ARMC2: variants seen among roughly 807,000 people sequenced by gnomAD.
ARMC2 encodes armadillo repeat containing 2.
A neutral mutation model predicts 90.3 loss-of-function variants in ARMC2; 67 were observed. The ratio of observed to expected loss-of-function variants is 0.74; its 90% CI spans 0.61 to 0.91. The LOEUF (loss-of-function observed/expected upper bound fraction) is 0.91. Ranked by LOEUF, ARMC2 falls within the 40% of genes least tolerant of loss-of-function variation. The pLI is 0.00. For synonymous variants in ARMC2, 393 were observed against 393.0 expected, an observed-to-expected ratio of 1.00 and a Z score of 0.00; for missense variants, 920 against 1,030.9, an observed-to-expected ratio of 0.89 and a Z score of 1.47.
chr6:108,992,888 C>T, the ARMC2 span: 1 of 1,603,600 alleles, frequency 6.2e-7, no homozygotes, highest in Non-Finnish European at 8.5e-7. Context: ...GCTGGTGTAA[C>T]TTCTTCATCA....
chr6:108,954,109 A>T (rs1190200344), intron 13 of ARMC2, among the ~76,000 whole-genome samples: 1 of 152,126 alleles, frequency 6.6e-6, no homozygotes, highest in Non-Finnish European at 1.5e-5. Context: ...CAATCCTATC[A>T]TATTAGGACC....
intron 8 of ARMC2, chr6:108,907,699 C>T: frequency 6.2e-7 from 1 of 1,608,688 alleles, no homozygotes. Flanking sequence ...CCATGGTAAC[C>T]CCCGAGATGC....
chr6:108,907,476 TTACCAGTCATCTTTTATTTGGAGG>T, intron 8 of ARMC2: 1 of 462,632 alleles, frequency 2.2e-6, no homozygotes, highest in South Asian at 5.3e-5. Flanking sequence ...TTTTTTTTTT[TTACCAGTCATCTTTTATTTGGAGG>T]TTAATTGCCA....
chr6:109,041,006 A>G, the ARMC2 span, among the ~76,000 whole-genome samples: 1 of 151,888 alleles, frequency 6.6e-6, no homozygotes, highest in Non-Finnish European at 1.5e-5. Context: ...AGTGTGCATC[A>G]TTTCAAATTG....
chr6:108,914,859 C>A (rs1368398733), intron 10 of ARMC2, among the ~76,000 whole-genome samples: 1 of 152,038 alleles, frequency 6.6e-6, no homozygotes, highest in East Asian at 1.9e-4. Context: ...CCAGCCGGTT[C>A]ATGTGCAAAT....
chr6:108,960,155 C>T (rs1437256767), intron 13 of ARMC2, among the ~76,000 whole-genome samples: 1 of 152,196 alleles, frequency 6.6e-6, no homozygotes, highest in East Asian at 1.9e-4. Context: ...TGGCCCTCTT[C>T]CTGTGCCCTT....
intron 10 of ARMC2, among the ~76,000 whole-genome samples, chr6:108,918,013 C>T (rs1474979042): frequency 6.6e-6 from 1 of 152,100 alleles, no homozygotes; most frequent in East Asian, 1.9e-4. Flanking sequence ...TTTCAGATGC[C>T]AGCAGGCCTC....
the ARMC2 span, among the ~76,000 whole-genome samples, chr6:108,983,721 A>C: frequency 6.6e-6 from 1 of 152,190 alleles, no homozygotes; most frequent in Admixed American, 6.5e-5. Flanking sequence ...TTGGCTATTC[A>C]GGGTCCATTG....
intron 17 of ARMC2, among the ~76,000 whole-genome samples, chr6:108,970,494 C>CTTTTT (rs1156823883): frequency 4.0e-3 from 470 of 117,298 alleles, no homozygotes; most frequent in Non-Finnish European, 5.4e-3. Flanking sequence ...CTTCTCTTTT[C>CTTTTT]TTTTTTTTTT....
At chr6:108,892,614 C>T (rs932098348) in intron 5 of ARMC2, among the ~76,000 whole-genome samples, 3 of 151,822 alleles carry the variant, frequency 2.0e-5, no homozygotes, top group Non-Finnish European at 2.9e-5. Context: ...ACAAAATTAG[C>T]CAGGCATGGT....
the ARMC2 span, among the ~76,000 whole-genome samples, chr6:109,050,354 GAA>G: frequency 7.7e-6 from 1 of 129,066 alleles, no homozygotes; most frequent in African/African-American, 3.0e-5. Flanking sequence ...CTCCAGCCTA[GAA>G]AAGACACACA....
chr6:108,895,887 A>T (rs1016316015), intron 6 of ARMC2, among the ~76,000 whole-genome samples: 1 of 152,144 alleles, frequency 6.6e-6, no homozygotes, highest in African/African-American at 2.4e-5. Context: ...GTAATGTTTC[A>T]TTTCTTTAAA....
At chr6:108,894,017 A>C (rs565338218) in intron 5 of ARMC2, among the ~76,000 whole-genome samples, 17 of 152,236 alleles carry the variant, frequency 1.1e-4, no homozygotes, top group African/African-American at 2.9e-4. Flanking sequence ...AACAAAAAAA[A>C]CCCACATATA....
At chr6:108,874,941 G>C (rs1341076185) in intron 4 of ARMC2, among the ~76,000 whole-genome samples, 1 of 152,088 alleles carries the variant, frequency 6.6e-6, no homozygotes, top group Non-Finnish European at 1.5e-5. Flanking sequence ...AGGTGGTTTT[G>C]TTATTATTAG....
chr6:109,052,684 T>C, the ARMC2 span, among the ~76,000 whole-genome samples: 1 of 152,226 alleles, frequency 6.6e-6, no homozygotes, highest in Non-Finnish European at 1.5e-5. Context: ...TTACTGGCAG[T>C]AGATTATTCT....
At chr6:108,933,885 G>A (rs537291037) in intron 11 of ARMC2, among the ~76,000 whole-genome samples, 54 of 152,092 alleles carry the variant, frequency 3.6e-4, no homozygotes, top group African/African-American at 1.2e-3. Context: ...TTTTTGAGAC[G>A]GAGTCTTGCT....
the ARMC2 span, among the ~76,000 whole-genome samples, chr6:109,051,237 G>C: frequency 2.6e-5 from 4 of 152,044 alleles, no homozygotes; most frequent in Admixed American, 2.6e-4. Flanking sequence ...TTTAAAATTG[G>C]TTTTATAAAA....
At position 108,881,296 on chromosome 6, in the gene ARMC2, C is replaced by CCCTTCCTT. The variant is rs148587003; in HGVS notation, c.671+4960_671+4967dup. 3.8e-4 allele frequency among the ~76,000 whole-genome samples: 30 copies of CCCTTCCTT among 78,236 alleles called. 1 individual carries two copies. Among genetic ancestry groups the CCCTTCCTT allele is most frequent in the East Asian group, 1.1e-3 (3 of 2,616 alleles). The allele number at this position is 78,236 out of a possible 152,430, so 51.3% of individuals were successfully genotyped here. A position where few individuals can be genotyped will look rare whatever the true frequency, so the allele number is the denominator to read the frequency against. ...TCTCTCCCTCCCCTCCCCTCCCCTC[C>CCCTTCCTT]CCTTCCTTCCTTCCTTCCTTCACTC... On this transcript the variant is annotated intron_variant, in intron 5 of 17. Coordinates refer to ENST00000392644, the MANE Select transcript of ARMC2 (RefSeq NM_032131.6).
chr6:108,910,958 G>C lies in ARMC2; in HGVS notation c.1083G>C (p.Arg361Ser). 6.3e-7 allele frequency: 1 copy of C among 1,583,266 alleles called. No individual in the cohort carries two copies. The highest frequency in any genetic ancestry group is 8.6e-7 in the Non-Finnish European group (1 of 1,164,682). The change falls in exon 9 of 18, where the codon AGG (arginine) becomes AGC (serine). Residue 361 changes from arginine (R) to serine (S), a missense_variant. By Grantham distance (110) the Arg-to-Ser change is moderately radical. Transcript: ENST00000392644. ...GCAAACTTATATTTAAAATTAGCAG[G>C]AATGAGAAGAATGATTCTTTGATTC... Reference protein sequence around the residue: ...NVCKLIFKISRNEKNDSLIQN... With the variant: ...NVCKLIFKISSNEKNDSLIQN...
Sources: gnomAD v4.1 joint callset for allele counts (sites outside exome capture counted in the v4.1 genomes callset) on GRCh38, gnomAD v4.1.1 for gene constraint, MANE v1.5 for transcripts, NCBI Gene and HGNC (gene_info 2026-07-23, HGNC 2026-07-21) for gene names.